Variants in TNRC6B observed in about 807,000 individuals in gnomAD.
TNRC6B encodes the protein trinucleotide repeat-containing gene 6B protein.
TNRC6B carries 52 observed loss-of-function variants against 203.6 expected under a neutral mutation model. The observed-to-expected ratio is 0.26, with a 90% CI of 0.20 to 0.32. The LOEUF (loss-of-function observed/expected upper bound fraction) is 0.32, where lower values mean the gene tolerates loss of function less well. Among genes scored for constraint, TNRC6B ranks in the 10% least tolerant of loss-of-function variants. The pLI is 1.00. For missense variants in TNRC6B, 1,923 were observed against 2,286.2 expected (o/e 0.84, Z 3.24); for synonymous variants, 838 against 845.7 (o/e 0.99, Z 0.16).
chr22:40,269,986 C>G (rs955918076), intron 5 of TNRC6B, 136 bp from the exon 6 acceptor site: 16 of 847,154 alleles, frequency 1.9e-5, no homozygotes, highest in African/African-American at 1.6e-4. Context: ...CCAAATACCC[C>G]TCACATGAAA....
chr22:40,320,723 A>C (rs2071323881), intron 21 of TNRC6B, among the ~76,000 whole-genome samples: 1 of 152,234 alleles, frequency 6.6e-6, no homozygotes, highest in African/African-American at 2.4e-5. Flanking sequence ...ACAGTGTTAG[A>C]ATAGGCTATG....
At chr22:40,251,997 G>A (rs1253194664) in intron 3 of TNRC6B, among the ~76,000 whole-genome samples, 1 of 152,284 alleles carries the variant, frequency 6.6e-6, no homozygotes, top group East Asian at 1.9e-4. Context: ...GTGACATGTT[G>A]TAAACAGAAG....
intron 1 of TNRC6B, among the ~76,000 whole-genome samples, chr22:40,064,710 G>T (rs1328767795): frequency 6.6e-6 from 1 of 151,266 alleles, no homozygotes; most frequent in African/African-American, 2.4e-5. Context: ...TCTGGCTCCT[G>T]GGTTCAAGCA....
chr22:40,104,793 T>A (rs2068268189), intron 1 of TNRC6B, among the ~76,000 whole-genome samples: 1 of 152,150 alleles, frequency 6.6e-6, no homozygotes. Flanking sequence ...TTTACATATG[T>A]TTACTCATTT....
Position 40,058,491 on chromosome 22 carries a change from C to T in TNRC6B, c.-121+13493C>T, listed in dbSNP as rs367629857. Among the ~76,000 whole-genome samples, 266 of 152,322 alleles carry T rather than the reference C, an allele frequency of 1.7e-3. 9 individuals are homozygous for T. The South Asian group carries it at 0.054, about 31-fold the overall frequency. On this transcript the variant is annotated intron_variant, in intron 1 of 23. Transcript: ENST00000301923. The stretch of plus-strand genomic sequence containing the variant: ...CTGCGCTTCCTGAACTGGCCAGAGC[C>T]GGGACTCAACCGATGCAGCACGTTA...
intron 12 of TNRC6B, among the ~76,000 whole-genome samples, chr22:40,292,884 T>G (rs558363631): frequency 6.6e-6 from 1 of 152,368 alleles, no homozygotes; most frequent in South Asian, 2.1e-4. Flanking sequence ...AAGATCACTT[T>G]CCTATGCTTT....
intron 1 of TNRC6B, among the ~76,000 whole-genome samples, chr22:40,205,419 T>G (rs1055223361): frequency 1.3e-5 from 2 of 152,172 alleles, no homozygotes; most frequent in African/African-American, 4.8e-5. Flanking sequence ...GGCTTATAGA[T>G]TAAGAAAGAA....
chr22:40,049,625 A>G (rs527319756), intron 1 of TNRC6B, among the ~76,000 whole-genome samples: 1 of 152,042 alleles, frequency 6.6e-6, no homozygotes, highest in Non-Finnish European at 1.5e-5. Context: ...TGTTTTTGAG[A>G]TGGAGTCTCG....
chr22:40,162,243 G>A (rs766049395), intron 4 of TNRC6B, among the ~76,000 whole-genome samples: 68 of 152,010 alleles, frequency 4.5e-4, no homozygotes, highest in Non-Finnish European at 5.7e-4. Context: ...ATAGGTACAC[G>A]CCACCACGCC....
At chr22:40,233,737 G>T (rs2069910783) in intron 1 of TNRC6B, among the ~76,000 whole-genome samples, 1 of 152,184 alleles carries the variant, frequency 6.6e-6, no homozygotes, top group Admixed American at 6.5e-5. Flanking sequence ...TGGAGTCAGA[G>T]GGCTATGTCG....
intron 3 of TNRC6B, among the ~76,000 whole-genome samples, chr22:40,260,864 A>C (rs1421256996): frequency 6.6e-6 from 1 of 152,204 alleles, no homozygotes; most frequent in Non-Finnish European, 1.5e-5. Flanking sequence ...CGCCACCTTC[A>C]TCCTACCTTC....
At chr22:40,073,483 G>A (rs938373370) in intron 1 of TNRC6B, among the ~76,000 whole-genome samples, 1 of 152,036 alleles carries the variant, frequency 6.6e-6, no homozygotes, top group African/African-American at 2.4e-5. Context: ...ATCTAGTGGT[G>A]TCTTTTATTG....
At chr22:40,278,737 GTATT>G (rs924973987) in intron 9 of TNRC6B, among the ~76,000 whole-genome samples, 3 of 152,026 alleles carry the variant, frequency 2.0e-5, no homozygotes, top group African/African-American at 7.2e-5. Flanking sequence ...TATGATTTTT[GTATT>G]TATTTATTGA....
chr22:40,186,648 G>A (rs1389782260), intron 1 of TNRC6B, among the ~76,000 whole-genome samples: 2 of 150,830 alleles, frequency 1.3e-5, no homozygotes, highest in Non-Finnish European at 2.9e-5. Flanking sequence ...TGATGCAGGA[G>A]AATTGCTTGA....
chr22:40,325,247 T>C lies in TNRC6B; in HGVS notation c.*2006T>C, dbSNP rs1419132523. On this transcript the variant is annotated 3_prime_UTR_variant, in exon 23 of 23. Transcript: ENST00000454349. ...TTAGCGTCTTCAGTGAAGGATACAA[T>C]ACAACAATGCCTAATGTATTTGACT... 6.6e-6 allele frequency: 1 copy of C among 152,660 alleles called. No homozygotes were observed. Among genetic ancestry groups the C allele is most frequent in the East Asian group, 1.9e-4 (1 of 5,198 alleles). The allele number at this position is 152,660 out of a possible 1,614,324, so 9.5% of individuals were successfully genotyped here.
chr22:40,124,992 G>A (rs1256598264), intron 2 of TNRC6B, among the ~76,000 whole-genome samples: 4 of 149,252 alleles, frequency 2.7e-5, no homozygotes, highest in African/African-American at 7.5e-5. Context: ...CAGCCTGGGC[G>A]ACACAGCAAG....
In TNRC6B at chr22:40,121,482, C is replaced by T. The variant is rs189227481; in HGVS notation, c.-46-4290C>T. ...TGTTTTCCCTGAAGTCTAATCTTTC[C>T]TCAGCCATGCCTGCTTAGGAAAAGC... On this transcript the variant is annotated intron_variant, in intron 2 of 23. Coordinates refer to the TNRC6B transcript ENST00000301923. Among the ~76,000 whole-genome samples the T allele has an allele frequency of 6.6e-5, 10 of 152,314 alleles. No homozygotes were observed. The East Asian group carries it at 1.9e-3, about 29-fold the overall frequency.
intron 3 of TNRC6B, among the ~76,000 whole-genome samples, chr22:40,145,562 G>A (rs778807665): frequency 3.3e-5 from 5 of 152,102 alleles, no homozygotes; most frequent in Non-Finnish European, 5.9e-5. Context: ...ACGATAAATC[G>A]GCTGGGCATG....
chr22:40,255,938 C>T (rs998175490), intron 3 of TNRC6B, among the ~76,000 whole-genome samples: 34 of 152,088 alleles, frequency 2.2e-4, no homozygotes, highest in African/African-American at 2.7e-4. Context: ...CTGCAACCTC[C>T]GCCTCCCAGG....
Sources: allele counts gnomAD v4.1 joint callset (sites outside exome capture counted in the v4.1 genomes callset), GRCh38; gene constraint gnomAD v4.1.1; transcripts MANE v1.5; gene names NCBI Gene and HGNC (gene_info 2026-07-23, HGNC 2026-07-21).